The following ROBO1 variants were observed in gnomAD, a reference collection of about 807,000 sequenced individuals.
The protein encoded by ROBO1 is roundabout homolog 1.
A neutral mutation model predicts 195.9 loss-of-function variants in ROBO1; 149 were observed. That is an observed-to-expected ratio of 0.76 (90% confidence interval 0.67 to 0.87). The LOEUF is 0.87. Ranked by LOEUF, ROBO1 falls within the 40% of genes least tolerant of loss-of-function variation. The pLI is 0.00. For synonymous variants in ROBO1, 816 were observed against 733.2 expected (o/e 1.11, Z -1.82); for missense variants, 1,933 against 2,068.3 (o/e 0.93, Z 1.27).
chr3:78,944,564 G>A (rs187834769), intron 3 of ROBO1, among the ~76,000 whole-genome samples: 10 of 152,188 alleles, frequency 6.6e-5, no homozygotes, highest in East Asian at 5.8e-4. Context: ...GAACAGCTCC[G>A]GTCTACAGCT....
At chr3:79,406,724 C>T (rs556647890) in intron 2 of ROBO1, among the ~76,000 whole-genome samples, 4 of 152,156 alleles carry the variant, frequency 2.6e-5, no homozygotes, top group Admixed American at 2.6e-4. Flanking sequence ...GAATACACTT[C>T]ACTTTTGGAG....
At chr3:79,291,910 C>A (rs2032275198) in intron 2 of ROBO1, among the ~76,000 whole-genome samples, 1 of 152,112 alleles carries the variant, frequency 6.6e-6, no homozygotes, top group South Asian at 2.1e-4. Context: ...CTCTACCCTG[C>A]AAAGCTGATT....
At chr3:79,201,067 C>T (rs1388610708) in intron 2 of ROBO1, among the ~76,000 whole-genome samples, 1 of 151,884 alleles carries the variant, frequency 6.6e-6, no homozygotes, top group African/African-American at 2.4e-5. Context: ...AATATGGCCA[C>T]AGAGGATATC....
At chr3:79,541,069 TAA>T (rs899062800) in intron 2 of ROBO1, among the ~76,000 whole-genome samples, 18 of 152,142 alleles carry the variant, frequency 1.2e-4, no homozygotes, top group African/African-American at 4.3e-4. Context: ...AATGAAATTC[TAA>T]AAGTGTTAAC....
intron 2 of ROBO1, among the ~76,000 whole-genome samples, chr3:79,515,582 A>G (rs531842428): frequency 1.2e-4 from 18 of 152,318 alleles, no homozygotes; most frequent in African/African-American, 4.3e-4. Flanking sequence ...AAATGATCTA[A>G]CATTATCTCA....
intron 2 of ROBO1, among the ~76,000 whole-genome samples, chr3:79,320,608 T>A (rs2033938861): frequency 6.6e-6 from 1 of 152,168 alleles, no homozygotes; most frequent in South Asian, 2.1e-4. Context: ...GGGCGTCACA[T>A]CTTTAATACC....
intron 1 of ROBO1, among the ~76,000 whole-genome samples, chr3:79,720,668 A>G (rs1342612527): frequency 6.6e-6 from 1 of 152,104 alleles, no homozygotes; most frequent in Non-Finnish European, 1.5e-5. Context: ...TATGCTCAAG[A>G]TTTCTGTTAC....
At chr3:79,095,090 G>A (rs1189226660) in intron 3 of ROBO1, among the ~76,000 whole-genome samples, 2 of 151,878 alleles carry the variant, frequency 1.3e-5, no homozygotes, top group Admixed American at 6.6e-5. Flanking sequence ...TCACAGGCAA[G>A]TGAATTTCAT....
chr3:79,303,806 C>G (rs369975326), intron 2 of ROBO1, among the ~76,000 whole-genome samples: 9 of 152,068 alleles, frequency 5.9e-5, no homozygotes, highest in African/African-American at 1.7e-4. Context: ...CCTCTGAGAA[C>G]CACCATTCTC....
chr3:79,572,218 C>T (rs527404335), intron 2 of ROBO1, among the ~76,000 whole-genome samples: 1 of 151,868 alleles, frequency 6.6e-6, no homozygotes, highest in Non-Finnish European at 1.5e-5. Flanking sequence ...TATTAAAGAC[C>T]TTTGTTAAAT....
chr3:79,266,352 T>A (rs1371783060), intron 2 of ROBO1, among the ~76,000 whole-genome samples: 1 of 151,646 alleles, frequency 6.6e-6, no homozygotes, highest in African/African-American at 2.4e-5. Context: ...GTAATGCCAA[T>A]TAAAATCCAT....
chr3:79,194,621 C>T (rs1054268855), intron 2 of ROBO1, among the ~76,000 whole-genome samples: 4 of 151,538 alleles, frequency 2.6e-5, no homozygotes, highest in Admixed American at 6.6e-5. Flanking sequence ...GTATAAATGC[C>T]GCACTTGCTA....
At chr3:79,713,176 AAG>A (rs1168752684) in intron 1 of ROBO1, among the ~76,000 whole-genome samples, 1 of 151,750 alleles carries the variant, frequency 6.6e-6, no homozygotes, top group East Asian at 1.9e-4. Context: ...CTACTCACCC[AAG>A]AGTTTTAATG....
At chr3:78,993,651 T>C (rs1335949218) in intron 3 of ROBO1, among the ~76,000 whole-genome samples, 1 of 152,134 alleles carries the variant, frequency 6.6e-6, no homozygotes, top group African/African-American at 2.4e-5. Flanking sequence ...ACAACGTGAA[T>C]CACACCAGAT....
Position 79,207,487 on chromosome 3 carries a change from G to GTTAA in ROBO1, c.89-81952_89-81949dup, listed in dbSNP as rs78037198. On this transcript the variant is annotated intron_variant, in intron 2 of 30. Coordinates refer to ENST00000464233, the MANE Select transcript of ROBO1 (RefSeq NM_002941.4). ...GACTGGAGCTGAGTGCATGGCCTAA[G>GTTAA]TTAAATGACTCACATTCTTTCTTCC... Among the ~76,000 whole-genome samples the GTTAA allele has an allele frequency of 6.0e-3, 918 of 152,204 alleles. 8 individuals carry two copies. The highest frequency in any genetic ancestry group is 9.0e-3 in the Non-Finnish European group (613 of 68,008).
chr3:79,715,145 T>A (rs1702433928), intron 1 of ROBO1, among the ~76,000 whole-genome samples: 1 of 152,094 alleles, frequency 6.6e-6, no homozygotes, highest in Non-Finnish European at 1.5e-5. Flanking sequence ...CTGGTGAAGA[T>A]GCTGTAAACA....
intron 3 of ROBO1, among the ~76,000 whole-genome samples, chr3:78,955,775 T>A (rs188681477): frequency 1.5e-3 from 232 of 152,218 alleles, no homozygotes; most frequent in Admixed American, 3.4e-3. Flanking sequence ...CTAAAAACAA[T>A]TACACTTTTA....
At chr3:79,395,028 A>T (rs1166788578) in intron 2 of ROBO1, among the ~76,000 whole-genome samples, 1 of 152,120 alleles carries the variant, frequency 6.6e-6, no homozygotes, top group Non-Finnish European at 1.5e-5. Context: ...TTTAATAGTT[A>T]AAACAGTGAG....
chr3:79,071,266 TG>T (rs957188844), intron 3 of ROBO1, among the ~76,000 whole-genome samples: 2 of 151,960 alleles, frequency 1.3e-5, no homozygotes, highest in Non-Finnish European at 2.9e-5. Context: ...ACATTTGATT[TG>T]TTTTTTTAAA....
Sources: allele counts gnomAD v4.1 joint callset (sites outside exome capture counted in the v4.1 genomes callset), GRCh38; gene constraint gnomAD v4.1.1; transcripts MANE v1.5; gene names NCBI Gene and HGNC (gene_info 2026-07-23, HGNC 2026-07-21).